SAMM50: variants seen among roughly 807,000 people sequenced by gnomAD.
The protein encoded by SAMM50 is sorting and assembly machinery component 50 homolog.
In SAMM50, 47 loss-of-function variants were observed where a neutral mutation model predicts 66.9. The ratio of observed to expected loss-of-function variants is 0.70; its 90% CI spans 0.56 to 0.90. The LOEUF is 0.90. SAMM50 is among the 40% of genes least tolerant of loss of function. The probability of loss-of-function intolerance (pLI) is 0.00; values close to 1 mark genes in which losing one functional copy is unlikely to be tolerated. For synonymous variants in SAMM50, 191 were observed against 214.1 expected, an observed-to-expected ratio of 0.89 and a Z score of 0.94; for missense variants, 535 against 595.3, an observed-to-expected ratio of 0.90 and a Z score of 1.05.
At chr22:43,979,549 G>A (rs572291713) in intron 10 of SAMM50, among the ~76,000 whole-genome samples, 12 of 152,190 alleles carry the variant, frequency 7.9e-5, no homozygotes, top group African/African-American at 2.4e-4. Context: ...GTTCTGAGTC[G>A]TCTCTGCTCC....
intron 10 of SAMM50, among the ~76,000 whole-genome samples, chr22:43,978,285 A>G (rs1387235849): frequency 6.6e-6 from 1 of 151,740 alleles, no homozygotes; most frequent in Non-Finnish European, 1.5e-5. Flanking sequence ...ACTAAAAAAA[A>G]TTAGCCGGGC....
At chr22:43,960,977 C>T (rs2050144720) in intron 1 of SAMM50, among the ~76,000 whole-genome samples, 1 of 152,110 alleles carries the variant, frequency 6.6e-6, no homozygotes, top group Non-Finnish European at 1.5e-5. Context: ...CAGATGCAGG[C>T]CTTACGGCAG....
rs112442303 is a variant in SAMM50, at chr22:43,989,268, C to T, written c.1222+11C>T. 0.017 allele frequency: 27,564 copies of T among 1,613,474 alleles called. 1,221 individuals carry two copies. The Admixed American group carries it at 0.17, about 10-fold the overall frequency. ...GCAACCTCAACTATGGTAAAACTTG[C>T]GCTATTCAAGAAACCATTGTAGTAC... On this transcript the variant is annotated intron_variant, in intron 13 of 14. Coordinates refer to ENST00000350028, the MANE Select transcript of SAMM50 (RefSeq NM_015380.5).
chr22:43,965,152 A>G, intron 3 of SAMM50, among the ~76,000 whole-genome samples: 1 of 150,416 alleles, frequency 6.6e-6, no homozygotes, highest in Non-Finnish European at 1.5e-5. Context: ...TTGCAGCAGC[A>G]GCAGTGTTTG....
chr22:43,969,647 T>C (rs1373177475), intron 4 of SAMM50, among the ~76,000 whole-genome samples: 1 of 152,218 alleles, frequency 6.6e-6, no homozygotes, highest in African/African-American at 2.4e-5. Context: ...ATGTCTGAGC[T>C]GAGACCTAGA....
intron 14 of SAMM50, among the ~76,000 whole-genome samples, chr22:43,995,830 C>T (rs1443985718): frequency 3.3e-5 from 5 of 152,224 alleles, no homozygotes; most frequent in Non-Finnish European, 7.3e-5. Flanking sequence ...CCTTTGCATC[C>T]TTCCTTCCTG....
chr22:43,992,368 G>T (rs371050403), intron 14 of SAMM50, among the ~76,000 whole-genome samples: 4 of 152,242 alleles, frequency 2.6e-5, no homozygotes, highest in Non-Finnish European at 5.9e-5. Context: ...TCTGCTCCGC[G>T]TCTGGGGACA....
At position 43,972,460 on chromosome 22, in the gene SAMM50, A is replaced by G; in HGVS notation, c.429+118A>G. The G allele has an allele frequency of 5.2e-6, 3 of 572,808 alleles. No individual in the cohort carries two copies. In the South Asian group the frequency reaches 9.3e-5, roughly 18 times the overall value. 35.5% of individuals were successfully genotyped at this position (572,808 alleles called of 1,614,324 possible). Reference sequence around the variant, plus strand: ...AAATTCGGTCATTTCATTTACCTTAATCTGTTGTTATTTGTGGTTTCTCTT... The same window carrying G: ...AAATTCGGTCATTTCATTTACCTTAGTCTGTTGTTATTTGTGGTTTCTCTT... On this transcript the variant is annotated intron_variant, in intron 5 of 14. Transcript: ENST00000350028.
At chr22:43,968,534 G>A (rs545513971) in intron 3 of SAMM50, among the ~76,000 whole-genome samples, 197 bp from the exon 4 acceptor site, 2 of 152,350 alleles carry the variant, frequency 1.3e-5, no homozygotes, top group South Asian at 4.1e-4. Flanking sequence ...GCTTGGTTTT[G>A]CACTTGTGAA....
chr22:43,979,584 C>T (rs1225206714), intron 10 of SAMM50, among the ~76,000 whole-genome samples: 2 of 151,974 alleles, frequency 1.3e-5, no homozygotes, highest in Non-Finnish European at 2.9e-5. Context: ...CCTTCCCCTT[C>T]CCCCCTCTAC....
At chr22:43,987,156 A>C (rs1364631869) in intron 12 of SAMM50, 1 of 152,212 alleles carries the variant, frequency 6.6e-6, no homozygotes, top group Non-Finnish European at 1.5e-5. Flanking sequence ...CTCTGTGGGC[A>C]AGAATGTAAA....
intron 3 of SAMM50, among the ~76,000 whole-genome samples, chr22:43,967,940 G>C (rs1054089987): frequency 6.6e-6 from 1 of 152,170 alleles, no homozygotes; most frequent in Non-Finnish European, 1.5e-5. Flanking sequence ...TGGTTAGAAA[G>C]GCCGGGCGTG....
At chr22:43,967,314 TG>T (rs2146810074) in intron 3 of SAMM50, among the ~76,000 whole-genome samples, 1 of 152,332 alleles carries the variant, frequency 6.6e-6, no homozygotes, top group East Asian at 1.9e-4. Context: ...TCCAGCTCCA[TG>T]GGGCTGAGAC....
At chr22:43,959,350 A>G (rs6006591) in intron 1 of SAMM50, among the ~76,000 whole-genome samples, 88,696 of 151,810 alleles carry the variant, frequency 0.58, 26,377 homozygotes, top group East Asian at 0.83. Context: ...ATTCTAGTCT[A>G]TCTCACTTTA....
Position 43,955,537 on chromosome 22 carries a change from C to T in SAMM50, c.-41C>T, listed in dbSNP as rs1441873719. On this transcript the variant is annotated 5_prime_UTR_variant, in exon 1 of 15. Coordinates refer to ENST00000350028, the MANE Select transcript of SAMM50 (RefSeq NM_015380.5). The stretch of plus-strand genomic sequence containing the variant: ...GCCCTCAGCAGCAGACGCTCTGTCC[C>T]GCCCGGGCAGCTCTGCGAGGCAGCG... The T allele has an allele frequency of 1.3e-6, 2 of 1,588,468 alleles. No individual in the cohort carries two copies. Among genetic ancestry groups the T allele is most frequent in the East Asian group, 2.3e-5 (1 of 43,894 alleles).
rs748305898 is a variant in SAMM50, at chr22:43,976,532, G to A, written c.778-218G>A. 2.6e-5 allele frequency among the ~76,000 whole-genome samples: 4 copies of A among 152,182 alleles called. No homozygotes were observed. The East Asian group carries it at 5.8e-4, about 22-fold the overall frequency. On this transcript the variant is annotated intron_variant, in intron 8 of 14. Transcript: ENST00000350028. ...AACTCCCACGTAGTGAGCAGGAATC[G>A]TTTATTCAGTTGAAGCTCAAGTCTC... is the stretch of plus-strand genomic sequence containing the variant.
chr22:43,955,782 G>T (rs1283308672), intron 1 of SAMM50, among the ~76,000 whole-genome samples, 184 bp downstream of exon 1: 1 of 152,238 alleles, frequency 6.6e-6, no homozygotes, highest in Non-Finnish European at 1.5e-5. Flanking sequence ...GCAGACCTTC[G>T]AGCAGGAACC....
chr22:43,994,564 G>A (rs540084803), intron 14 of SAMM50, among the ~76,000 whole-genome samples: 9 of 152,330 alleles, frequency 5.9e-5, no homozygotes, highest in Non-Finnish European at 7.4e-5. Context: ...GTCCAAGTTC[G>A]TCAGAAGCCT....
intron 1 of SAMM50, among the ~76,000 whole-genome samples, chr22:43,962,704 C>T (rs60609280): frequency 6.6e-6 from 1 of 152,016 alleles, no homozygotes; most frequent in Non-Finnish European, 1.5e-5. Context: ...AGGATGCTTT[C>T]TGTAACAACA....
Sources: allele counts gnomAD v4.1 joint callset (sites outside exome capture counted in the v4.1 genomes callset), GRCh38; gene constraint gnomAD v4.1.1; transcripts MANE v1.5; gene names NCBI Gene and HGNC (gene_info 2026-07-23, HGNC 2026-07-21).